The following CLEC12A variants were observed in gnomAD, a reference collection of about 807,000 sequenced individuals.
The protein encoded by CLEC12A is C-type lectin domain family 12 member A.
CLEC12A carries 22 observed loss-of-function variants against 26.5 expected under a neutral mutation model. The observed-to-expected ratio is 0.83, with a 90% CI of 0.59 to 1.19. CLEC12A has a LOEUF of 1.19. Ranked by LOEUF, CLEC12A falls within the 50% of genes most tolerant of loss-of-function variation. The pLI, the probability that CLEC12A is intolerant of heterozygous loss-of-function variation, is 0.00. For missense variants in CLEC12A, 353 were observed against 315.6 expected (o/e 1.12, Z -0.90); for synonymous variants, 119 against 101.9 (o/e 1.17, Z -1.01).
At chr12:9,955,179 C>A (rs978060903) in intron 1 of CLEC12A, among the ~76,000 whole-genome samples, 4 of 152,254 alleles carry the variant, frequency 2.6e-5, no homozygotes, top group Admixed American at 2.0e-4. Flanking sequence ...CTCTGCCTCC[C>A]GGGTTCACGC....
chr12:9,956,760 G>A (rs1863747967), intron 1 of CLEC12A, among the ~76,000 whole-genome samples: 1 of 152,190 alleles, frequency 6.6e-6, no homozygotes, highest in African/African-American at 2.4e-5. Context: ...TCATGGAAAT[G>A]GGGAGCTGGA....
At chr12:9,982,742 T>A (rs1864611042) in intron 5 of CLEC12A, among the ~76,000 whole-genome samples, 1 of 152,176 alleles carries the variant, frequency 6.6e-6, no homozygotes, top group African/African-American at 2.4e-5. Context: ...ATAACCTGGA[T>A]AGTGTACACT....
downstream of CLEC12A, chr12:9,997,398 C>A: frequency 1.2e-6 from 1 of 836,640 alleles, no homozygotes; most frequent in East Asian, 2.7e-5. Context: ...TTACTAGATA[C>A]ACATGATTAA....
upstream of CLEC12A, among the ~76,000 whole-genome samples, chr12:9,967,640 G>T (rs1863993767): frequency 6.6e-6 from 1 of 151,966 alleles, no homozygotes; most frequent in Non-Finnish European, 1.5e-5. Context: ...CCCAAGAAGA[G>T]CGGTACTTGC....
chr12:9,981,752 A>G (rs1283775312), intron 4 of CLEC12A, among the ~76,000 whole-genome samples: 1 of 152,058 alleles, frequency 6.6e-6, no homozygotes, highest in East Asian at 1.9e-4. Flanking sequence ...TGAACTTGTC[A>G]TTGTGAACTC....
chr12:9,993,170 G>A (rs567272126), intron 4 of CLEC12A: 7 of 1,611,628 alleles, frequency 4.3e-6, no homozygotes, highest in South Asian at 3.3e-5. Context: ...CCTTGGTCAT[G>A]CCAGCCTTCC....
intron 1 of CLEC12A, among the ~76,000 whole-genome samples, chr12:9,966,278 G>C (rs1408028791): frequency 6.6e-6 from 1 of 151,944 alleles, no homozygotes; most frequent in Non-Finnish European, 1.5e-5. Flanking sequence ...GAGTTACCTA[G>C]AGTGTCTGTG....
At chr12:9,996,014 A>G (rs772716061), downstream of CLEC12A, among the ~76,000 whole-genome samples, 1 of 152,206 alleles carries the variant, frequency 6.6e-6, no homozygotes, top group Non-Finnish European at 1.5e-5. Flanking sequence ...AATTATGTGA[A>G]GGCCAAATGC....
intron 1 of CLEC12A, among the ~76,000 whole-genome samples, chr12:9,964,558 C>T (rs1863896702): frequency 6.6e-6 from 1 of 152,166 alleles, no homozygotes; most frequent in Non-Finnish European, 1.5e-5. Flanking sequence ...CAAAGATTAT[C>T]TATCCCCTCT....
chr12:9,998,564 T>G (rs7980696), downstream of CLEC12A, among the ~76,000 whole-genome samples: 1 of 80,628 alleles, frequency 1.2e-5, no homozygotes, highest in Non-Finnish European at 2.8e-5. Context: ...CCCTATACCA[T>G]ACATCCATTC....
At chr12:9,998,070 C>T (rs1015216916), downstream of CLEC12A, among the ~76,000 whole-genome samples, 2 of 152,112 alleles carry the variant, frequency 1.3e-5, no homozygotes, top group African/African-American at 2.4e-5. Context: ...TTAAAAATAA[C>T]TTTTCATTAG....
chr12:9,980,250 T>C (rs1276894702), intron 3 of CLEC12A, among the ~76,000 whole-genome samples: 2 of 151,884 alleles, frequency 1.3e-5, no homozygotes, highest in Non-Finnish European at 2.9e-5. Context: ...TATGGTGGTA[T>C]ATAAGGAACT....
upstream of CLEC12A, among the ~76,000 whole-genome samples, chr12:9,966,599 G>A (rs1262174586): frequency 1.3e-5 from 2 of 152,088 alleles, no homozygotes; most frequent in Non-Finnish European, 2.9e-5. Flanking sequence ...GGAAGTTCTT[G>A]CGTGCTGGAG....
chr12:9,956,598 C>A (rs867269195), intron 1 of CLEC12A, among the ~76,000 whole-genome samples: 4 of 152,194 alleles, frequency 2.6e-5, no homozygotes, highest in Admixed American at 2.6e-4. Context: ...AAAATCAAAT[C>A]TGAGATTCCT....
chr12:9,980,028 G>A (rs1385716564), intron 3 of CLEC12A, among the ~76,000 whole-genome samples: 2 of 152,124 alleles, frequency 1.3e-5, no homozygotes, highest in Non-Finnish European at 2.9e-5. Flanking sequence ...AAACCTCAAA[G>A]TTTCAACATT....
rs111328456 is a variant in CLEC12A at position 9,954,326 on chromosome 12, C to G, written c.10+2970C>G. On this transcript the variant is annotated intron_variant, in intron 1 of 6. Transcript: ENST00000355690. ...CCTGGGCAACATGGTGAAACCCTGT[C>G]TCTACAAAAAATACAAATATTAGCT... Among the ~76,000 whole-genome samples, 450 of 151,054 alleles carry G rather than the reference C, an allele frequency of 3.0e-3. 3 individuals carry two copies. Among genetic ancestry groups the G allele is most frequent in the African/African-American group, 0.01 (421 of 41,144 alleles).
chr12:9,964,114 C>T (rs372429878), intron 1 of CLEC12A, among the ~76,000 whole-genome samples: 171 of 152,156 alleles, frequency 1.1e-3, no homozygotes, highest in African/African-American at 3.8e-3. Context: ...GAGGTAAATA[C>T]GGGGGGAGTA....
At chr12:9,952,994 A>C (rs1344855177) in intron 1 of CLEC12A, 1 of 94,054 alleles carries the variant, frequency 1.1e-5, no homozygotes, top group Non-Finnish European at 2.2e-5. Flanking sequence ...GCCCCGTCTG[A>C]GAAGTGAGGA....
intron 4 of CLEC12A, among the ~76,000 whole-genome samples, 200 bp downstream of exon 4, chr12:9,980,933 G>C (rs762649944): frequency 5.8e-4 from 89 of 152,230 alleles, no homozygotes; most frequent in Admixed American, 1.8e-3. Flanking sequence ...AATATTACTA[G>C]CTGACAGGTA....
Sources: allele counts gnomAD v4.1 joint callset (sites outside exome capture counted in the v4.1 genomes callset), GRCh38; gene constraint gnomAD v4.1.1; transcripts MANE v1.5; gene names NCBI Gene and HGNC (gene_info 2026-07-23, HGNC 2026-07-21).